Variants in TUSC3 observed in about 807,000 individuals in gnomAD.
TUSC3 encodes the protein dolichyl-diphosphooligosaccharide--protein glycosyltransferase subunit TUSC3.
A neutral mutation model predicts 44.8 loss-of-function variants in TUSC3; 45 were observed. The observed-to-expected ratio is 1.00, with a 90% confidence interval of 0.79 to 1.29. TUSC3 has a LOEUF of 1.29. Ranked by LOEUF, TUSC3 falls within the 50% of genes most tolerant of loss-of-function variation. The pLI is 0.00. For missense variants in TUSC3, 519 were observed against 437.9 expected, an observed-to-expected ratio of 1.19 and a Z score of -1.65; for synonymous variants, 212 against 152.9, an observed-to-expected ratio of 1.39 and a Z score of -2.85.
intron 1 of TUSC3, among the ~76,000 whole-genome samples, chr8:15,561,262 A>C (rs59410257): frequency 0.026 from 3,788 of 146,686 alleles, 187 homozygotes; most frequent in East Asian, 0.22. Flanking sequence ...AATACCCTGC[A>C]GTGTGAGGTG....
chr8:15,806,478 T>G, the TUSC3 span: 1 of 901,242 alleles, frequency 1.1e-6, no homozygotes, highest in Non-Finnish European at 1.9e-6. Context: ...TGCAAACAGG[T>G]GTCGACTATT....
the TUSC3 span, among the ~76,000 whole-genome samples, chr8:15,780,721 C>G: frequency 6.6e-6 from 1 of 152,198 alleles, no homozygotes; most frequent in African/African-American, 2.4e-5. Context: ...AACTTCAGGT[C>G]TACTGTTTCC....
the TUSC3 span, among the ~76,000 whole-genome samples, chr8:15,843,330 A>G: frequency 1.1e-3 from 173 of 152,266 alleles, no homozygotes; most frequent in African/African-American, 3.7e-3. Context: ...AGCTGGTGGA[A>G]TATATCTTCC....
the TUSC3 span, among the ~76,000 whole-genome samples, chr8:15,775,637 T>C: frequency 9.5e-6 from 1 of 105,542 alleles, no homozygotes; most frequent in Admixed American, 1.2e-4. Flanking sequence ...CAGACACATA[T>C]ATATATATAT....
At chr8:15,522,619 T>C (rs954909261) in intron 2 of TUSC3, among the ~76,000 whole-genome samples, 3 of 151,822 alleles carry the variant, frequency 2.0e-5, no homozygotes, top group African/African-American at 7.3e-5. Context: ...TGAGAATACT[T>C]TGGTGGGTAA....
chr8:15,805,141 T>G, the TUSC3 span, among the ~76,000 whole-genome samples: 1 of 152,198 alleles, frequency 6.6e-6, no homozygotes, highest in Non-Finnish European at 1.5e-5. Context: ...TTGAACGTTA[T>G]TGGTGTATGG....
chr8:15,423,188 A>T (rs1206965912), intron 1 of TUSC3, among the ~76,000 whole-genome samples: 4 of 152,166 alleles, frequency 2.6e-5, no homozygotes. Flanking sequence ...ATGTACAAGC[A>T]CAGGTTCAGT....
At chr8:15,454,091 T>A (rs1476182125) in intron 1 of TUSC3, among the ~76,000 whole-genome samples, 4 of 152,158 alleles carry the variant, frequency 2.6e-5, no homozygotes, top group Admixed American at 2.6e-4. Context: ...CCCTCCCAAG[T>A]GCTGGCAGGC....
chr8:15,807,261 G>A, the TUSC3 span: 4 of 615,552 alleles, frequency 6.5e-6, no homozygotes, highest in Non-Finnish European at 1.2e-5. Context: ...TTCCATCTTT[G>A]CTTGTCTAAA....
At chr8:15,630,512 G>A (rs190557884) in intron 2 of TUSC3, among the ~76,000 whole-genome samples, 13 of 151,904 alleles carry the variant, frequency 8.6e-5, no homozygotes, top group African/African-American at 1.7e-4. Flanking sequence ...AACAAAACTC[G>A]TTTTATAAAT....
At chr8:15,512,872 G>GTGTATATATATATATATATATA (rs761482107) in intron 2 of TUSC3, among the ~76,000 whole-genome samples, 6 of 132,290 alleles carry the variant, frequency 4.5e-5, no homozygotes, top group South Asian at 2.5e-4. Context: ...ATATGTGTGT[G>GTGTATATATATATATATATATA]TATATATATA....
chr8:15,843,340 C>T, the TUSC3 span, among the ~76,000 whole-genome samples: 5 of 151,936 alleles, frequency 3.3e-5, no homozygotes, highest in Non-Finnish European at 7.4e-5. Context: ...ATATATCTTC[C>T]CTCTTGGATA....
At chr8:15,693,061 A>G (rs565659776) in intron 6 of TUSC3, among the ~76,000 whole-genome samples, 1 of 152,168 alleles carries the variant, frequency 6.6e-6, no homozygotes, top group Admixed American at 6.5e-5. Context: ...TGCATGTGAG[A>G]TGGATCTGTT....
intron 3 of TUSC3, among the ~76,000 whole-genome samples, chr8:15,658,885 A>G (rs1262765875): frequency 6.6e-6 from 1 of 152,084 alleles, no homozygotes; most frequent in East Asian, 1.9e-4. Flanking sequence ...TCAATTTAAC[A>G]CAGTTGAGTT....
chr8:15,685,290 A>T (rs1420465081), intron 6 of TUSC3, among the ~76,000 whole-genome samples: 3 of 151,954 alleles, frequency 2.0e-5, no homozygotes, highest in Non-Finnish European at 4.4e-5. Flanking sequence ...GGTCTGGTTC[A>T]GTACAGGAGG....
chr8:15,523,446 C>T (rs1230954612), intron 2 of TUSC3, among the ~76,000 whole-genome samples: 1 of 151,780 alleles, frequency 6.6e-6, no homozygotes, highest in Non-Finnish European at 1.5e-5. Flanking sequence ...TTTGATTTGT[C>T]TTCCAAAAAT....
Position 15,669,808 on chromosome 8 carries a change from C to G in TUSC3, c.709-3939C>G, listed in dbSNP as rs191673107. ...AAGATGCCTGCTCTTGAGTATTTTA[C>G]TGGGACCCTGAGCATTGCATTAAGA... On this transcript the variant is annotated intron_variant, in intron 5 of 10. Transcript: ENST00000503731. Among the ~76,000 whole-genome samples the G allele has an allele frequency of 2.3e-3, 347 of 151,804 alleles. 1 individual carries two copies. The highest frequency in any genetic ancestry group is 8.1e-3 in the African/African-American group (335 of 41,480).
At chr8:15,805,413 T>A in the TUSC3 span, among the ~76,000 whole-genome samples, 25 of 152,270 alleles carry the variant, frequency 1.6e-4, no homozygotes, top group South Asian at 5.2e-3. Context: ...TTGCTGTAGA[T>A]CTTAGGGAAA....
chr8:15,776,216 AAT>A, the TUSC3 span, among the ~76,000 whole-genome samples: 3 of 152,112 alleles, frequency 2.0e-5, no homozygotes, highest in Admixed American at 2.0e-4. Flanking sequence ...TAAAATTAAA[AAT>A]ACGTGGGGCC....
Sources: gnomAD v4.1 joint callset for allele counts (sites outside exome capture counted in the v4.1 genomes callset) on GRCh38, gnomAD v4.1.1 for gene constraint, MANE v1.5 for transcripts, NCBI Gene and HGNC (gene_info 2026-07-23, HGNC 2026-07-21) for gene names.